The following MTMR2 variants were observed in gnomAD, a reference collection of about 807,000 sequenced individuals.
The protein encoded by MTMR2 is myotubularin related protein 2.
In MTMR2, 55 loss-of-function variants were observed where a neutral mutation model predicts 86.9. That is an observed-to-expected ratio of 0.63 (90% CI 0.51 to 0.79). The LOEUF (loss-of-function observed/expected upper bound fraction) is 0.79. Ranked by LOEUF, MTMR2 falls within the 30% of genes least tolerant of loss-of-function variation. The probability of loss-of-function intolerance (pLI) is 0.00; values close to 1 mark genes in which losing one functional copy is unlikely to be tolerated. For missense variants in MTMR2, 659 were observed against 772.3 expected (o/e 0.85, Z 1.74); for synonymous variants, 241 against 266.8 (o/e 0.90, Z 0.94).
At chr11:95,866,209 C>A (rs1864612059) in intron 2 of MTMR2, among the ~76,000 whole-genome samples, 1 of 152,104 alleles carries the variant, frequency 6.6e-6, no homozygotes, top group South Asian at 2.1e-4. Flanking sequence ...TAAATAAATT[C>A]ATGATCAACA....
At chr11:95,890,476 C>T (rs1865678908) in intron 1 of MTMR2, among the ~76,000 whole-genome samples, 1 of 152,162 alleles carries the variant, frequency 6.6e-6, no homozygotes, top group Non-Finnish European at 1.5e-5. Context: ...GAGTCAATTC[C>T]AGTCAGTGGG....
chr11:95,882,864 A>G (rs1456299777), intron 2 of MTMR2, among the ~76,000 whole-genome samples: 2 of 142,290 alleles, frequency 1.4e-5, no homozygotes, highest in Admixed American at 7.2e-5. Flanking sequence ...CTGGGACTAC[A>G]GGCGCCCGCC....
intron 1 of MTMR2, among the ~76,000 whole-genome samples, chr11:95,899,194 A>C (rs1381873827): frequency 1.3e-5 from 2 of 152,130 alleles, no homozygotes; most frequent in Non-Finnish European, 2.9e-5. Context: ...CTAGCAATAA[A>C]AATAAAATAG....
chr11:95,853,389 T>A (rs558793690), intron 7 of MTMR2, among the ~76,000 whole-genome samples: 42 of 152,096 alleles, frequency 2.8e-4, no homozygotes, highest in Admixed American at 8.5e-4. Flanking sequence ...CCCTCTATAA[T>A]CCATTCTCTA....
chr11:95,922,007 C>A (rs1866947743), intron 1 of MTMR2, among the ~76,000 whole-genome samples: 3 of 152,160 alleles, frequency 2.0e-5, no homozygotes, highest in South Asian at 4.2e-4. Flanking sequence ...CGTGTAATTG[C>A]AAAAATCCAA....
Position 95,849,769 on chromosome 11 carries a change from C to T in MTMR2, c.898G>A (p.Glu300Lys), listed in dbSNP as rs1863943199. The change falls in exon 9 of 15, where the codon GAA becomes AAA. Residue 300 changes from glutamate to lysine, a missense_variant. Coordinates refer to ENST00000346299, the MANE Select transcript of MTMR2 (RefSeq NM_016156.6). ...TCCATGATAGCTTGAAGGTATTTTT[C>T]ATCTTCTTTGCTTCGCTTTCCACTC... The part of the protein sequence containing the change: ...GVSGKRSKED[E>K]KYLQAIMDSN... 1 of 1,614,092 alleles carries T rather than the reference C, an allele frequency of 6.2e-7. No individual in the cohort carries two copies. Among genetic ancestry groups the T allele is most frequent in the South Asian group, 1.1e-5 (1 of 91,082 alleles).
intron 2 of MTMR2, among the ~76,000 whole-genome samples, chr11:95,871,345 G>C (rs978990358): frequency 2.0e-5 from 3 of 152,166 alleles, no homozygotes; most frequent in African/African-American, 7.2e-5. Context: ...CTAGTTTACA[G>C]TCCCCACCAA....
intron 7 of MTMR2, among the ~76,000 whole-genome samples, chr11:95,852,860 G>T (rs1010986128): frequency 1.3e-5 from 2 of 151,960 alleles, no homozygotes; most frequent in African/African-American, 4.8e-5. Context: ...CAACATGGAT[G>T]AAACCCCGTT....
intron 1 of MTMR2, among the ~76,000 whole-genome samples, chr11:95,903,077 C>T (rs1025953121): frequency 1.3e-5 from 2 of 152,136 alleles, no homozygotes; most frequent in African/African-American, 2.4e-5. Context: ...TTCAGTTAAT[C>T]GAATTCCTCT....
At chr11:95,865,706 T>C in intron 2 of MTMR2, 30 bp from the exon 3 acceptor site, 1 of 1,561,434 alleles carries the variant, frequency 6.4e-7, no homozygotes, top group African/African-American at 1.3e-5. Context: ...AAAAGAAACA[T>C]TTTTTTATTC....
At chr11:95,875,544 T>C (rs1051104121) in intron 2 of MTMR2, among the ~76,000 whole-genome samples, 5 of 152,182 alleles carry the variant, frequency 3.3e-5, no homozygotes, top group Non-Finnish European at 5.9e-5. Flanking sequence ...GGGTTTGAAG[T>C]TCCTCCTTTA....
chr11:95,893,927 A>C (rs1865796267), intron 1 of MTMR2, among the ~76,000 whole-genome samples: 1 of 152,236 alleles, frequency 6.6e-6, no homozygotes, highest in South Asian at 2.1e-4. Context: ...CCAAAACCTA[A>C]ATCTGATCAT....
intron 13 of MTMR2, among the ~76,000 whole-genome samples, chr11:95,837,758 A>T (rs1356898975): frequency 6.6e-6 from 1 of 151,984 alleles, no homozygotes; most frequent in Non-Finnish European, 1.5e-5. Flanking sequence ...TGCTAATTAA[A>T]TTTTTCTGCA....
chr11:95,911,313 C>G (rs945069113), intron 1 of MTMR2, among the ~76,000 whole-genome samples: 14 of 152,150 alleles, frequency 9.2e-5, no homozygotes, highest in African/African-American at 3.4e-4. Flanking sequence ...CATATGATTT[C>G]ATAATGCAGC....
At chr11:95,886,994 G>A (rs573192254) in intron 2 of MTMR2, among the ~76,000 whole-genome samples, 1 of 152,134 alleles carries the variant, frequency 6.6e-6, no homozygotes. Flanking sequence ...TAAGATATAT[G>A]CAGATTACGA....
At chr11:95,887,264 C>T (rs928557937) in intron 2 of MTMR2, among the ~76,000 whole-genome samples, 1 of 152,152 alleles carries the variant, frequency 6.6e-6, no homozygotes, top group Non-Finnish European at 1.5e-5. Flanking sequence ...AAAGCAGCCA[C>T]ATGTTTGGAA....
intron 7 of MTMR2, among the ~76,000 whole-genome samples, chr11:95,854,752 C>T (rs913822743): frequency 3.3e-5 from 5 of 151,538 alleles, no homozygotes; most frequent in African/African-American, 1.2e-4. Context: ...AGGTGTGAAC[C>T]ACTGTACTGG....
At position 95,847,700 on chromosome 11, in the gene MTMR2, T is replaced by C. The variant is rs762132622; in HGVS notation, c.1179+14A>G. On this transcript the variant is annotated intron_variant, in intron 10 of 14. Transcript: ENST00000346299. ...GAGAGAGTCTTTGTTTGGGATATAG[T>C]AACACACACCCACCTTAATATGTTC... 1 of 1,582,626 alleles carries C rather than the reference T, an allele frequency of 6.3e-7. No individual in the cohort carries two copies. The highest frequency in any genetic ancestry group is 1.1e-5 in the South Asian group (1 of 90,850).
At chr11:95,863,277 G>A (rs932592405) in intron 3 of MTMR2, among the ~76,000 whole-genome samples, 2 of 152,102 alleles carry the variant, frequency 1.3e-5, no homozygotes, top group Admixed American at 6.6e-5. Flanking sequence ...GGGCTTCTGG[G>A]AAAACTTGGG....
Sources: gnomAD v4.1 joint callset for allele counts (sites outside exome capture counted in the v4.1 genomes callset) on GRCh38, gnomAD v4.1.1 for gene constraint, MANE v1.5 for transcripts, NCBI Gene and HGNC (gene_info 2026-07-23, HGNC 2026-07-21) for gene names.